The following ABL1 variants were observed in gnomAD, a reference collection of about 807,000 sequenced individuals.
ABL1 encodes the protein tyrosine-protein kinase ABL1.
Under a neutral mutation model 94.7 loss-of-function variants are expected in ABL1, and 11 were observed. The observed-to-expected ratio is 0.12, with a 90% CI of 0.07 to 0.19. The LOEUF (loss-of-function observed/expected upper bound fraction) is 0.19. Ranked by LOEUF, ABL1 falls within the 10% of genes least tolerant of loss-of-function variation. The pLI is 1.00. For missense variants in ABL1, 1,082 were observed against 1,489.4 expected (o/e 0.73, Z 4.50); for synonymous variants, 656 against 622.4 (o/e 1.05, Z -0.80).
intron 1 of ABL1, among the ~76,000 whole-genome samples, chr9:130,836,945 C>T (rs536795697): frequency 1.3e-5 from 2 of 152,050 alleles, no homozygotes; most frequent in South Asian, 4.2e-4. Flanking sequence ...AAACAGGCCT[C>T]ATTTATTTTC....
intron 1 of ABL1, among the ~76,000 whole-genome samples, chr9:130,755,472 C>T (rs1463841505): frequency 2.6e-5 from 4 of 152,114 alleles, no homozygotes; most frequent in African/African-American, 9.7e-5. Flanking sequence ...TACTCTGTCC[C>T]CTCAGTGCTT....
At chr9:130,730,610 T>C (rs1000614778) in intron 1 of ABL1, among the ~76,000 whole-genome samples, 1 of 152,038 alleles carries the variant, frequency 6.6e-6, no homozygotes, top group Non-Finnish European at 1.5e-5. Flanking sequence ...CTTATTCTGT[T>C]GCCCAGGCTG....
upstream of ABL1, among the ~76,000 whole-genome samples, chr9:130,833,232 G>A (rs1830515091): frequency 6.6e-6 from 1 of 152,180 alleles, no homozygotes; most frequent in Non-Finnish European, 1.5e-5. Context: ...TTGGCATTAA[G>A]CCGCCAATTT....
In ABL1 at chr9:130,734,186, G is replaced by A. The variant is rs139473527; in HGVS notation, c.136+19731G>A. ...AAATTTTTAATTTTTTCACAATTTC[G>A]TGGTATGATTTTTAATACTCTATTG... On this transcript the variant is annotated intron_variant, in intron 1 of 10. Coordinates refer to the ABL1 transcript ENST00000372348. 4.7e-3 allele frequency among the ~76,000 whole-genome samples: 713 copies of A among 151,342 alleles called. 1 individual carries two copies. The highest frequency in any genetic ancestry group is 8.0e-3 in the Non-Finnish European group (543 of 67,872).
intron 1 of ABL1, among the ~76,000 whole-genome samples, chr9:130,754,121 G>C (rs1422177913): frequency 6.6e-6 from 1 of 151,018 alleles, no homozygotes; most frequent in South Asian, 2.1e-4. Context: ...CAGGAGAATC[G>C]CTTGAACCCA....
chr9:130,721,149 C>A (rs184574759), intron 1 of ABL1, among the ~76,000 whole-genome samples: 1 of 152,062 alleles, frequency 6.6e-6, no homozygotes, highest in South Asian at 2.1e-4. Flanking sequence ...GAGGCCAAGG[C>A]GGGCGGATCA....
intron 1 of ABL1, among the ~76,000 whole-genome samples, chr9:130,847,770 G>A (rs1830795611): frequency 6.6e-6 from 1 of 152,198 alleles, no homozygotes; most frequent in African/African-American, 2.4e-5. Flanking sequence ...CTGACGTCCT[G>A]TTGAATCAAA....
chr9:130,745,284 A>C (rs899513230), intron 1 of ABL1, among the ~76,000 whole-genome samples: 1 of 151,912 alleles, frequency 6.6e-6, no homozygotes, highest in African/African-American at 2.4e-5. Context: ...GGATTTCTCC[A>C]TGTTGGTCAA....
At chr9:130,756,369 T>G (rs1832041787) in intron 1 of ABL1, among the ~76,000 whole-genome samples, 1 of 152,072 alleles carries the variant, frequency 6.6e-6, no homozygotes. Flanking sequence ...CCATTTCATT[T>G]GTTCAGATTT....
At chr9:130,764,361 G>A (rs949707667) in intron 1 of ABL1, among the ~76,000 whole-genome samples, 1 of 152,204 alleles carries the variant, frequency 6.6e-6, no homozygotes, top group Non-Finnish European at 1.5e-5. Flanking sequence ...TATTGCTGGA[G>A]GGAACTAGCT....
chr9:130,835,613 T>G lies in ABL1; in HGVS notation c.79+88T>G. On this transcript the variant is annotated intron_variant, in intron 1 of 10. Transcript: ENST00000318560. The surrounding 1 kb of genome is among the most constrained non-coding windows in gnomAD (Gnocchi z 4.6). ...TTCCTAGGCCTCGCCGCCCGCGCGC[T>G]CCCGCCTGCGCCCTCCCCGGGTCTT... 6.1e-5 allele frequency: 64 copies of G among 1,050,312 alleles called. No homozygotes were observed. The highest frequency in any genetic ancestry group is 8.3e-5 in the Non-Finnish European group (59 of 706,812). The allele number at this position is 1,050,312 out of a possible 1,614,324, so 65.1% of individuals were successfully genotyped here.
chr9:130,847,786 G>A (rs1243901554), intron 1 of ABL1, among the ~76,000 whole-genome samples: 5 of 152,208 alleles, frequency 3.3e-5, no homozygotes, highest in Non-Finnish European at 7.3e-5. Context: ...TCAAAAAGCA[G>A]TGGGAGGCCC....
intron 1 of ABL1, among the ~76,000 whole-genome samples, chr9:130,730,592 G>C (rs1393290829): frequency 6.6e-6 from 1 of 151,126 alleles, no homozygotes. Context: ...CTTTGTTTGA[G>C]GCAGAGTCTT....
intron 1 of ABL1, among the ~76,000 whole-genome samples, chr9:130,776,781 G>A (rs763815972): frequency 1.3e-5 from 2 of 151,980 alleles, no homozygotes; most frequent in Non-Finnish European, 2.9e-5. Flanking sequence ...AATTTGAGAC[G>A]GGTTCTTCCT....
At chr9:130,801,416 CG>C (rs1385095490) in intron 1 of ABL1, among the ~76,000 whole-genome samples, 1 of 151,924 alleles carries the variant, frequency 6.6e-6, no homozygotes, top group Non-Finnish European at 1.5e-5. Flanking sequence ...TTAGTAGAGA[CG>C]GGGTTTCACC....
chr9:130,767,051 C>T (rs1832192232), intron 1 of ABL1, among the ~76,000 whole-genome samples: 1 of 152,174 alleles, frequency 6.6e-6, no homozygotes. Context: ...TTCCCTGGGC[C>T]CTGCCCTTCA....
chr9:130,816,640 A>G (rs574777545), intron 1 of ABL1, among the ~76,000 whole-genome samples: 81 of 152,186 alleles, frequency 5.3e-4, no homozygotes, highest in African/African-American at 1.9e-3. Flanking sequence ...TGGGGCAGGC[A>G]TAGGATAGAC....
chr9:130,835,535 G>A lies in ABL1; in HGVS notation c.79+10G>A. 2 of 1,550,302 alleles carry A rather than the reference G, an allele frequency of 1.3e-6. No individual in the cohort carries two copies. The highest frequency in any genetic ancestry group is 1.7e-6 in the Non-Finnish European group (2 of 1,145,942). ...AGCTGTTATCTGGAAGGTAAGCCCGGGCCGCACGGGTTGGGCTGAGTAGCC... is the reference window on the plus strand; with the variant it reads ...AGCTGTTATCTGGAAGGTAAGCCCGAGCCGCACGGGTTGGGCTGAGTAGCC... On this transcript the variant is annotated intron_variant, in intron 1 of 10. Transcript: ENST00000318560. The surrounding 1 kb of genome is among the most constrained non-coding windows in gnomAD (Gnocchi z 4.6).
At chr9:130,876,822 C>T (rs945438495) in intron 7 of ABL1, among the ~76,000 whole-genome samples, 3 of 139,816 alleles carry the variant, frequency 2.1e-5, no homozygotes, top group Non-Finnish European at 4.6e-5. Flanking sequence ...CTGCAAGCTC[C>T]GCCTTCCGGG....
Sources: gnomAD v4.1 joint callset for allele counts (sites outside exome capture counted in the v4.1 genomes callset) on GRCh38, gnomAD v4.1.1 for gene constraint, Gnocchi (gnomAD v3.1) non-coding constraint, MANE v1.5 for transcripts, NCBI Gene and HGNC (gene_info 2026-07-23, HGNC 2026-07-21) for gene names.